The following TRPM3 variants were observed in gnomAD, a reference collection of about 807,000 sequenced individuals.
TRPM3 encodes the protein long transient receptor potential channel 3.
TRPM3 carries 77 observed loss-of-function variants against 181.2 expected under a neutral mutation model. That is an observed-to-expected ratio of 0.42 (90% CI 0.35 to 0.51). The LOEUF (loss-of-function observed/expected upper bound fraction) is 0.51. TRPM3 is among the 20% of genes least tolerant of loss of function. The probability of loss-of-function intolerance (pLI) is 0.01; values close to 1 mark genes in which losing one functional copy is unlikely to be tolerated. For synonymous variants in TRPM3, 745 were observed against 796.4 expected, an observed-to-expected ratio of 0.94 and a Z score of 1.09; for missense variants, 1,759 against 2,196.7, an observed-to-expected ratio of 0.80 and a Z score of 3.98.
intron 1 of TRPM3, among the ~76,000 whole-genome samples, chr9:71,178,798 C>G (rs941644841): frequency 1.4e-4 from 21 of 152,052 alleles, no homozygotes; most frequent in African/African-American, 4.6e-4. Context: ...GGATCCTTAT[C>G]TATTTCAAAG....
intron 6 of TRPM3, among the ~76,000 whole-genome samples, chr9:70,784,728 C>T (rs772872474): frequency 6.6e-6 from 1 of 152,182 alleles, no homozygotes; most frequent in Non-Finnish European, 1.5e-5. Context: ...GAAGTTATCA[C>T]AGGGGTAAGA....
At chr9:70,870,267 A>G (rs1257865688) in intron 1 of TRPM3, among the ~76,000 whole-genome samples, 2 of 152,056 alleles carry the variant, frequency 1.3e-5, no homozygotes, top group African/African-American at 2.4e-5. Context: ...TCCAGGGTCA[A>G]TCTTCTTCAA....
At chr9:70,960,695 G>A (rs1159047561) in intron 1 of TRPM3, among the ~76,000 whole-genome samples, 2 of 152,140 alleles carry the variant, frequency 1.3e-5, no homozygotes, top group East Asian at 1.9e-4. Flanking sequence ...GCATGGGTGG[G>A]CACGTGGGTA....
chr9:70,760,032 C>T (rs75345970), intron 8 of TRPM3, among the ~76,000 whole-genome samples: 29 of 152,210 alleles, frequency 1.9e-4, no homozygotes, highest in Non-Finnish European at 3.7e-4. Flanking sequence ...GAATACCTCA[C>T]ATTTCTTATA....
chr9:71,364,166 C>A (rs543312703), intron 1 of TRPM3, among the ~76,000 whole-genome samples: 96 of 149,798 alleles, frequency 6.4e-4, no homozygotes, highest in African/African-American at 2.3e-3. Flanking sequence ...CATACGAAAA[C>A]AAGACTACAA....
intron 1 of TRPM3, among the ~76,000 whole-genome samples, chr9:71,386,444 T>C (rs572411246): frequency 6.6e-6 from 1 of 150,782 alleles, no homozygotes; most frequent in African/African-American, 2.4e-5. Flanking sequence ...CAAGACTCTG[T>C]CTTTTGAAAA....
Position 71,181,367 on chromosome 9 carries a change from ATTT to A in TRPM3, c.183+265283_183+265285del, listed in dbSNP as rs59651573. Among the ~76,000 whole-genome samples, 494 of 141,734 alleles carry A rather than the reference ATTT, an allele frequency of 3.5e-3. 1 individual carries two copies. The highest frequency in any genetic ancestry group is 4.6e-3 in the Non-Finnish European group (297 of 64,074). The allele number at this position is 141,734 out of a possible 152,430, so 93.0% of individuals were successfully genotyped here. A position where few individuals can be genotyped will look rare whatever the true frequency, so the allele number is the denominator to read the frequency against. On this transcript the variant is annotated intron_variant, in intron 1 of 24. Coordinates refer to the TRPM3 transcript ENST00000357533. ...AAAAAGAATAGAATGGGAAACTGCA[ATTT>A]TTTTTTTTTTTTTTGATTAGGAGAA... is the stretch of plus-strand genomic sequence containing the variant.
At chr9:70,969,087 G>A (rs919297147) in intron 1 of TRPM3, among the ~76,000 whole-genome samples, 1 of 152,108 alleles carries the variant, frequency 6.6e-6, no homozygotes, top group Non-Finnish European at 1.5e-5. Context: ...TCTACAGAAT[G>A]GGGGAAAATT....
intron 1 of TRPM3, among the ~76,000 whole-genome samples, chr9:70,934,918 T>C (rs1205172034): frequency 6.6e-6 from 1 of 152,182 alleles, no homozygotes; most frequent in Non-Finnish European, 1.5e-5. Flanking sequence ...TGGGTATTCT[T>C]GTTCTGCTAC....
At chr9:71,317,640 C>CAA (rs58631084) in intron 1 of TRPM3, among the ~76,000 whole-genome samples, 20 of 126,352 alleles carry the variant, frequency 1.6e-4, no homozygotes, top group South Asian at 1.3e-3. Flanking sequence ...GACCCTCTCT[C>CAA]AAAAAAAAAA....
chr9:71,224,172 A>G (rs930946615), intron 1 of TRPM3, among the ~76,000 whole-genome samples: 1 of 152,224 alleles, frequency 6.6e-6, no homozygotes, highest in African/African-American at 2.4e-5. Flanking sequence ...CCCCTCCTCC[A>G]GCTCCAGGCA....
chr9:70,842,961 C>T (rs1223481856), intron 5 of TRPM3, 42 bp downstream of exon 5: 3 of 1,606,226 alleles, frequency 1.9e-6, no homozygotes, highest in South Asian at 2.2e-5. Context: ...CTGATATCCC[C>T]TCTAGGAGAA....
chr9:70,814,685 G>A (rs187434788), intron 6 of TRPM3, among the ~76,000 whole-genome samples: 1 of 152,068 alleles, frequency 6.6e-6, no homozygotes, highest in Non-Finnish European at 1.5e-5. Context: ...TGTTTTAAAA[G>A]GAGAAGCGGA....
intron 1 of TRPM3, among the ~76,000 whole-genome samples, chr9:71,005,318 A>C (rs570882561): frequency 1.3e-5 from 2 of 152,252 alleles, no homozygotes; most frequent in East Asian, 3.9e-4. Flanking sequence ...AGGAAGGAGA[A>C]TCACTTGAAC....
intron 1 of TRPM3, among the ~76,000 whole-genome samples, chr9:71,356,043 G>A (rs1419179973): frequency 6.6e-6 from 1 of 152,080 alleles, no homozygotes; most frequent in Non-Finnish European, 1.5e-5. Flanking sequence ...CATTCCTGAA[G>A]GAAATCCCAA....
chr9:70,585,703 C>T (rs2056985117), intron 22 of TRPM3, among the ~76,000 whole-genome samples: 1 of 152,118 alleles, frequency 6.6e-6, no homozygotes, highest in Admixed American at 6.6e-5. Context: ...TTGATTGTAC[C>T]TTCCTAAAAT....
intron 9 of TRPM3, among the ~76,000 whole-genome samples, chr9:70,654,449 T>C (rs992920649): frequency 6.6e-6 from 1 of 152,022 alleles, no homozygotes; most frequent in African/African-American, 2.4e-5. Context: ...ACTTGGTGTT[T>C]TGAGCCCTCT....
intron 1 of TRPM3, among the ~76,000 whole-genome samples, chr9:71,310,161 A>T (rs1464225181): frequency 6.6e-6 from 1 of 152,054 alleles, no homozygotes; most frequent in Non-Finnish European, 1.5e-5. Context: ...TAAATCAATG[A>T]AATTAAATCT....
intron 3 of TRPM3, among the ~76,000 whole-genome samples, chr9:70,852,154 A>AAG (rs1402832204): frequency 3.6e-5 from 5 of 137,108 alleles, no homozygotes; most frequent in African/African-American, 1.1e-4. Flanking sequence ...AAAAAAAAAA[A>AAG]AGAGAGAAAA....
Sources: allele counts gnomAD v4.1 joint callset (sites outside exome capture counted in the v4.1 genomes callset), GRCh38; gene constraint gnomAD v4.1.1; transcripts MANE v1.5; gene names NCBI Gene and HGNC (gene_info 2026-07-23, HGNC 2026-07-21).